Variants in GPHN observed in about 807,000 individuals in gnomAD.
GPHN encodes the protein gephyrin.
In GPHN, 17 loss-of-function variants were observed where a neutral mutation model predicts 95.5. That is an observed-to-expected ratio of 0.18 (90% CI 0.12 to 0.27). The LOEUF (loss-of-function observed/expected upper bound fraction) is 0.27. Ranked by LOEUF, GPHN falls within the 10% of genes least tolerant of loss-of-function variation. The pLI, the probability that GPHN is intolerant of heterozygous loss-of-function variation, is 1.00. For synonymous variants in GPHN, 320 were observed against 322.5 expected (o/e 0.99, Z 0.08); for missense variants, 660 against 978.1 (o/e 0.67, Z 4.34).
the GPHN span, chr14:67,388,345 A>G: frequency 1.6e-6 from 2 of 1,245,376 alleles, no homozygotes; most frequent in Non-Finnish European, 2.4e-6. Flanking sequence ...GTGAATGAAC[A>G]AAAGGGAAGA....
chr14:67,562,467 C>T, the GPHN span: 3 of 1,613,796 alleles, frequency 1.9e-6, no homozygotes, highest in Non-Finnish European at 2.5e-6. Flanking sequence ...AGATGTAGTT[C>T]AGCTTCCTGG....
the GPHN span, among the ~76,000 whole-genome samples, chr14:67,371,225 G>A: frequency 2.6e-5 from 4 of 152,028 alleles, no homozygotes; most frequent in Non-Finnish European, 5.9e-5. Flanking sequence ...GACCAGCCTG[G>A]CAATATAGGG....
the GPHN span, chr14:67,583,949 C>T: frequency 7.4e-6 from 12 of 1,612,420 alleles, no homozygotes; most frequent in Middle Eastern, 1.6e-4. Flanking sequence ...AATGAAGACA[C>T]GTCGGCACTT....
At chr14:67,458,625 A>G in the GPHN span, among the ~76,000 whole-genome samples, 4 of 152,162 alleles carry the variant, frequency 2.6e-5, no homozygotes, top group Non-Finnish European at 4.4e-5. Flanking sequence ...TGCTTAAGGG[A>G]AGCTAGGTAG....
chr14:67,052,187 C>T (rs2075337569), intron 10 of GPHN, among the ~76,000 whole-genome samples: 1 of 152,080 alleles, frequency 6.6e-6, no homozygotes, highest in South Asian at 2.1e-4. Flanking sequence ...AGTCAAGACC[C>T]ATCAATGTGC....
chr14:67,340,661 C>CA, the GPHN span: 1 of 693,284 alleles, frequency 1.4e-6, no homozygotes, highest in Non-Finnish European at 2.4e-6. Flanking sequence ...AATAAAAACA[C>CA]AAAGAAGCTC....
At chr14:67,725,945 A>G in the GPHN span, 5 of 830,276 alleles carry the variant, frequency 6.0e-6, no homozygotes, top group African/African-American at 6.7e-5. Context: ...TGTTACCCCA[A>G]CAAAGACAAC....
chr14:66,602,794 G>C (rs974689245), intron 1 of GPHN, among the ~76,000 whole-genome samples: 1 of 151,614 alleles, frequency 6.6e-6, no homozygotes, highest in Non-Finnish European at 1.5e-5. Flanking sequence ...ATATTAAGGA[G>C]GGGGGTGGAA....
the GPHN span, among the ~76,000 whole-genome samples, chr14:67,717,291 G>A: frequency 6.6e-6 from 1 of 152,222 alleles, no homozygotes; most frequent in Non-Finnish European, 1.5e-5. Flanking sequence ...CTCAGTGGAG[G>A]TGTGTTTTTG....
chr14:67,585,408 C>T, the GPHN span: 1 of 601,984 alleles, frequency 1.7e-6, no homozygotes, highest in South Asian at 2.0e-5. Context: ...TTGTCTATTT[C>T]CTGCATACAC....
chr14:66,767,200 T>A (rs181557052), intron 2 of GPHN, among the ~76,000 whole-genome samples: 1 of 152,048 alleles, frequency 6.6e-6, no homozygotes, highest in Non-Finnish European at 1.5e-5. Context: ...ACTAAAGACT[T>A]GAATCTATAA....
chr14:66,646,248 T>G (rs1566755309), intron 1 of GPHN, among the ~76,000 whole-genome samples: 2 of 151,992 alleles, frequency 1.3e-5, no homozygotes, highest in Non-Finnish European at 2.9e-5. Context: ...AAAACCACAG[T>G]GAGATATTAC....
the GPHN span, chr14:67,650,927 CTG>C: frequency 1.9e-5 from 30 of 1,612,788 alleles, no homozygotes; most frequent in Non-Finnish European, 2.5e-5. Context: ...TTAGGAGACA[CTG>C]TGCACTGACA....
chr14:66,803,214 C>T (rs990761783), intron 3 of GPHN, among the ~76,000 whole-genome samples: 2 of 152,158 alleles, frequency 1.3e-5, no homozygotes, highest in African/African-American at 2.4e-5. Context: ...AGGGCAACAC[C>T]GAGTTCAGTG....
the GPHN span, chr14:67,695,759 T>C: frequency 7.7e-5 from 118 of 1,537,970 alleles, no homozygotes; most frequent in Middle Eastern, 5.3e-4. Context: ...TCGCCGACTA[T>C]GGCTTCTCTT....
intron 3 of GPHN, among the ~76,000 whole-genome samples, chr14:66,809,885 A>T (rs1019850411): frequency 2.0e-5 from 3 of 151,878 alleles, no homozygotes; most frequent in Non-Finnish European, 4.4e-5. Flanking sequence ...CTAGTCCCTT[A>T]TTTTTTTTAA....
chr14:67,246,479 A>G, the GPHN span, among the ~76,000 whole-genome samples: 1 of 152,000 alleles, frequency 6.6e-6, no homozygotes, highest in Non-Finnish European at 1.5e-5. Context: ...GGCTGGTACT[A>G]TAGGTACATG....
At chr14:66,926,250 A>G (rs1442150128) in intron 8 of GPHN, among the ~76,000 whole-genome samples, 1 of 152,046 alleles carries the variant, frequency 6.6e-6, no homozygotes, top group Non-Finnish European at 1.5e-5. Context: ...ACTTGATATG[A>G]TCCCATTTGT....
chr14:66,597,871 A>T (rs1024140620), intron 1 of GPHN, among the ~76,000 whole-genome samples: 2 of 152,232 alleles, frequency 1.3e-5, no homozygotes, highest in African/African-American at 4.8e-5. Context: ...CAAGATGTGG[A>T]ATCAATCTAA....
Sources: gnomAD v4.1 joint callset for allele counts (sites outside exome capture counted in the v4.1 genomes callset) on GRCh38, gnomAD v4.1.1 for gene constraint, MANE v1.5 for transcripts, NCBI Gene and HGNC (gene_info 2026-07-23, HGNC 2026-07-21) for gene names.